SLC6A11: variants seen among roughly 807,000 people sequenced by gnomAD.
SLC6A11 encodes sodium- and chloride-dependent GABA transporter 3.
A neutral mutation model predicts 74.8 loss-of-function variants in SLC6A11; 25 were observed. The ratio of observed to expected loss-of-function variants is 0.33; its 90% confidence interval spans 0.24 to 0.47. The LOEUF is 0.47. SLC6A11 is among the 20% of genes least tolerant of loss of function. The pLI, the probability that SLC6A11 is intolerant of heterozygous loss-of-function variation, is 1.00. For missense variants in SLC6A11, 574 were observed against 837.0 expected, an observed-to-expected ratio of 0.69 and a Z score of 3.88; for synonymous variants, 330 against 330.2, an observed-to-expected ratio of 1.00 and a Z score of 0.01.
intron 6 of SLC6A11, among the ~76,000 whole-genome samples, chr3:10,900,914 G>T (rs1386694469): frequency 6.6e-6 from 1 of 152,138 alleles, no homozygotes; most frequent in Non-Finnish European, 1.5e-5. Context: ...AGGACTGCTG[G>T]CCCAGGGTCA....
intron 9 of SLC6A11, among the ~76,000 whole-genome samples, chr3:10,928,463 G>A (rs1291247612): frequency 6.6e-6 from 1 of 152,178 alleles, no homozygotes; most frequent in Non-Finnish European, 1.5e-5. Flanking sequence ...AACCAGGTGA[G>A]GGGGTGGTCG....
At chr3:10,856,019 T>G (rs937470935) in intron 5 of SLC6A11, among the ~76,000 whole-genome samples, 1 of 152,208 alleles carries the variant, frequency 6.6e-6, no homozygotes, top group African/African-American at 2.4e-5. Flanking sequence ...TGTTGATTGA[T>G]TCCATCAGCC....
chr3:10,880,756 A>T (rs1259030868), intron 6 of SLC6A11, among the ~76,000 whole-genome samples: 1 of 151,740 alleles, frequency 6.6e-6, no homozygotes, highest in Non-Finnish European at 1.5e-5. Context: ...TAGTCTATGG[A>T]CTCCAGGATG....
intron 4 of SLC6A11, among the ~76,000 whole-genome samples, chr3:10,839,131 C>T (rs1694405674): frequency 6.6e-6 from 1 of 152,170 alleles, no homozygotes; most frequent in South Asian, 2.1e-4. Flanking sequence ...TCCCCCATTC[C>T]CTCCTGTTTC....
intron 4 of SLC6A11, among the ~76,000 whole-genome samples, chr3:10,827,194 C>A (rs1016102102): frequency 6.6e-6 from 1 of 152,186 alleles, no homozygotes; most frequent in African/African-American, 2.4e-5. Flanking sequence ...TGGATGAAAG[C>A]TATGTCCTTC....
chr3:10,849,164 G>GA (rs947564329), intron 5 of SLC6A11, among the ~76,000 whole-genome samples: 3 of 151,642 alleles, frequency 2.0e-5, no homozygotes, highest in East Asian at 3.9e-4. Context: ...ATCTCCTATG[G>GA]AAAAAAAAGC....
At chr3:10,933,077 A>G in intron 10 of SLC6A11, 74 bp from the exon 11 acceptor site, 1 of 1,010,764 alleles carries the variant, frequency 9.9e-7, no homozygotes, top group Non-Finnish European at 1.6e-6. Context: ...GACCTTCCTG[A>G]GGCCAGATGG....
chr3:10,852,627 G>A (rs992288709), intron 5 of SLC6A11, among the ~76,000 whole-genome samples: 1 of 152,344 alleles, frequency 6.6e-6, no homozygotes, highest in African/African-American at 2.4e-5. Flanking sequence ...GCTGGCAGTG[G>A]TGCTGCAGTT....
rs531572737 is a variant in SLC6A11 at position 10,930,730 on chromosome 3, G to A, written c.1371+1391G>A. On this transcript the variant is annotated intron_variant, in intron 10 of 13. Transcript: ENST00000254488. ...CATCAGCTGCTTGGAGAAGGCAGGT[G>A]GTGGAGGGTGCTTCTTGAACTGCCT... Among the ~76,000 whole-genome samples, 12 of 152,156 alleles carry A rather than the reference G, an allele frequency of 7.9e-5. 1 individual carries two copies. The South Asian group carries it at 2.5e-3, about 32-fold the overall frequency.
intron 1 of SLC6A11, among the ~76,000 whole-genome samples, chr3:10,818,507 T>G (rs924110416): frequency 2.6e-5 from 4 of 152,258 alleles, no homozygotes; most frequent in Non-Finnish European, 5.9e-5. Flanking sequence ...ATTAGCTGCT[T>G]GCCCAGAAAA....
chr3:10,832,156 C>A (rs1458717154), intron 4 of SLC6A11, among the ~76,000 whole-genome samples: 1 of 152,150 alleles, frequency 6.6e-6, no homozygotes, highest in African/African-American at 2.4e-5. Flanking sequence ...TTTGGAAACG[C>A]TGAGGGATTT....
In SLC6A11 at chr3:10,915,441, T is replaced by G. The variant is rs1170486359; in HGVS notation, c.996-2888T>G. On this transcript the variant is annotated intron_variant, in intron 7 of 13. Coordinates refer to ENST00000254488, the MANE Select transcript of SLC6A11 (RefSeq NM_014229.3). This position sits in a 1 kb window ranked among gnomAD's most constrained non-coding sequence, Gnocchi z 4.3. ...TTCCAAATTGTTCTGCAAGTGGGTC[T>G]TCTCAACTCCAGTGGAGTAAATTAG... Among the ~76,000 whole-genome samples, 1 of 152,232 alleles carries G rather than the reference T, an allele frequency of 6.6e-6. No individual in the cohort carries two copies. The highest frequency in any genetic ancestry group is 1.5e-5 in the Non-Finnish European group (1 of 68,046).
chr3:10,827,078 A>G (rs1046621835), intron 4 of SLC6A11, among the ~76,000 whole-genome samples: 1 of 152,206 alleles, frequency 6.6e-6, no homozygotes, highest in South Asian at 2.1e-4. Context: ...CTTTTGTCAG[A>G]CACCTCTAAT....
intron 5 of SLC6A11, among the ~76,000 whole-genome samples, chr3:10,844,921 C>T (rs1347975189): frequency 6.6e-6 from 1 of 152,200 alleles, no homozygotes; most frequent in Non-Finnish European, 1.5e-5. Flanking sequence ...GGGAGTTACA[C>T]ATGGCTCTTC....
At position 10,816,845 on chromosome 3, in the gene SLC6A11, C is replaced by T. The variant is rs1439129841; in HGVS notation, c.256+324C>T. 6.6e-6 allele frequency among the ~76,000 whole-genome samples: 1 copy of T among 152,220 alleles called. No individual in the cohort carries two copies. Among genetic ancestry groups the T allele is most frequent in the Non-Finnish European group, 1.5e-5 (1 of 68,040 alleles). On this transcript the variant is annotated intron_variant, in intron 1 of 13. Transcript: ENST00000254488. The surrounding 1 kb of genome is among the most constrained non-coding windows in gnomAD (Gnocchi z 4.2). ...GCCCTGGTGTTTCGGGCACTTGGCCCCTTGGAGCCTCAGCTTTCCTAACTG... is the reference window on the plus strand; with the variant it reads ...GCCCTGGTGTTTCGGGCACTTGGCCTCTTGGAGCCTCAGCTTTCCTAACTG...
chr3:10,816,419 C>T lies in SLC6A11; in HGVS notation c.154C>T (p.His52Tyr). The change falls in exon 1 of 14, where the codon CAC (histidine) becomes TAC (tyrosine). Residue 52 changes from histidine (H) to tyrosine (Y), a missense_variant. Physicochemically the swap from His to Tyr is moderately conservative, Grantham distance 83 (BLOSUM62 2). Coordinates refer to ENST00000254488, the MANE Select transcript of SLC6A11 (RefSeq NM_014229.3). This position sits in a 1 kb window ranked among gnomAD's most constrained non-coding sequence, Gnocchi z 4.2. ...KRDKAVHERG[H>Y]WNNKVEFVLS... ...CGACAAGGCGGTCCACGAGCGCGGCCACTGGAACAACAAGGTGGAGTTCGT... is the reference window on the plus strand; with the variant it reads ...CGACAAGGCGGTCCACGAGCGCGGCTACTGGAACAACAAGGTGGAGTTCGT... 6.3e-7 allele frequency: 1 copy of T among 1,599,474 alleles called. No homozygotes were observed. Among genetic ancestry groups the T allele is most frequent in the Non-Finnish European group, 8.5e-7 (1 of 1,173,724 alleles).
chr3:10,880,236 T>G (rs1694959287), intron 6 of SLC6A11, among the ~76,000 whole-genome samples: 1 of 152,206 alleles, frequency 6.6e-6, no homozygotes, highest in South Asian at 2.1e-4. Flanking sequence ...CCATCTTGTA[T>G]CTCTTTGTAG....
chr3:10,867,414 A>G lies in SLC6A11; in HGVS notation c.757-7547A>G, dbSNP rs11918448. 3.7e-3 allele frequency among the ~76,000 whole-genome samples: 571 copies of G among 152,344 alleles called. 5 individuals carry two copies. The highest frequency in any genetic ancestry group is 0.013 in the African/African-American group (558 of 41,574). On this transcript the variant is annotated intron_variant, in intron 5 of 13. Transcript: ENST00000254488. Reference sequence around the variant, plus strand: ...GAATTTTTGTCTGCAAAGTGGGGAAAGAACCTACTCAAGTGGTGTGAAAAT... The same window carrying G: ...GAATTTTTGTCTGCAAAGTGGGGAAGGAACCTACTCAAGTGGTGTGAAAAT...
At chr3:10,852,292 G>A (rs1694586115) in intron 5 of SLC6A11, among the ~76,000 whole-genome samples, 1 of 152,214 alleles carries the variant, frequency 6.6e-6, no homozygotes, top group Non-Finnish European at 1.5e-5. Flanking sequence ...CCTGCCCCGG[G>A]GCCCTGAACC....
Sources: gnomAD v4.1 joint callset for allele counts (sites outside exome capture counted in the v4.1 genomes callset) on GRCh38, gnomAD v4.1.1 for gene constraint, Gnocchi (gnomAD v3.1) non-coding constraint, MANE v1.5 for transcripts, NCBI Gene and HGNC (gene_info 2026-07-23, HGNC 2026-07-21) for gene names.